Variants in NIPAL3 observed in about 807,000 individuals in gnomAD.
NIPAL3 encodes NIPA-like protein 3.
NIPAL3 carries 41 observed loss-of-function variants against 47.2 expected under a neutral mutation model. That is an observed-to-expected ratio of 0.87 (90% CI 0.68 to 1.13). The LOEUF (loss-of-function observed/expected upper bound fraction) is 1.13. NIPAL3 is among the 50% of genes most tolerant of loss of function. The pLI is 0.00. For synonymous variants in NIPAL3, 194 were observed against 209.6 expected, an observed-to-expected ratio of 0.93 and a Z score of 0.64; for missense variants, 449 against 530.1, an observed-to-expected ratio of 0.85 and a Z score of 1.50.
At chr1:24,450,008 G>C (rs1645861930) in intron 6 of NIPAL3, among the ~76,000 whole-genome samples, 1 of 152,102 alleles carries the variant, frequency 6.6e-6, no homozygotes, top group Admixed American at 6.5e-5. Flanking sequence ...TATAACTCCA[G>C]GCTGGAGACT....
In NIPAL3 at chr1:24,440,154, T is replaced by G; in HGVS notation, c.94-18T>G. On this transcript the variant is annotated intron_variant, in intron 2 of 11. Coordinates refer to ENST00000374399, the MANE Select transcript of NIPAL3 (RefSeq NM_020448.5). ...CTTGTGCCCAAATCATGTCCACTCC[T>G]GTGAACTTTCCTTACAGGAAAACCT... 6.4e-7 allele frequency: 1 copy of G among 1,566,680 alleles called. No individual in the cohort carries two copies. Among genetic ancestry groups the G allele is most frequent in the Non-Finnish European group, 8.6e-7 (1 of 1,156,784 alleles).
At chr1:24,426,689 TC>T (rs1464958204) in intron 2 of NIPAL3, among the ~76,000 whole-genome samples, 10 of 152,122 alleles carry the variant, frequency 6.6e-5, no homozygotes, top group Admixed American at 1.3e-4. Flanking sequence ...TTTGGCCAAG[TC>T]TTGGGCTTTC....
chr1:24,415,836 G>T lies in NIPAL3; in HGVS notation c.-326G>T. On this transcript the variant is annotated 5_prime_UTR_variant, in exon 1 of 12. Coordinates refer to ENST00000374399, the MANE Select transcript of NIPAL3 (RefSeq NM_020448.5). ...AGGGATGAAGGAGGCTGTGCCTCCG[G>T]GTTGCACGAAGAGTCCGAGTCATTT... 1.0e-6 allele frequency: 1 copy of T among 985,490 alleles called. No individual in the cohort carries two copies. 61.0% of individuals were successfully genotyped at this position (985,490 alleles called of 1,614,324 possible). A position where few individuals can be genotyped will look rare whatever the true frequency, so the allele number is the denominator to read the frequency against.
intron 2 of NIPAL3, among the ~76,000 whole-genome samples, chr1:24,435,614 A>G (rs1645065477): frequency 1.3e-5 from 2 of 152,228 alleles, no homozygotes; most frequent in South Asian, 2.1e-4. Flanking sequence ...CCATGATGCT[A>G]TTGTCACAAA....
intron 6 of NIPAL3, among the ~76,000 whole-genome samples, chr1:24,450,724 G>A (rs1645896894): frequency 6.6e-6 from 1 of 152,144 alleles, no homozygotes. Context: ...TTGAAGGCCG[G>A]GCCCACCTGG....
At chr1:24,422,069 T>C (rs112089460) in intron 2 of NIPAL3, 4 of 152,350 alleles carry the variant, frequency 2.6e-5, no homozygotes, top group Non-Finnish European at 5.9e-5. Context: ...GGAATATGTA[T>C]GGAAATTATG....
intron 2 of NIPAL3, chr1:24,422,050 C>A (rs529498128): frequency 6.6e-6 from 1 of 152,156 alleles, no homozygotes; most frequent in East Asian, 1.9e-4. Context: ...TCCTTCTGAC[C>A]AGCCAGATGG....
At chr1:24,453,911 T>C in intron 7 of NIPAL3, 2 of 415,934 alleles carry the variant, frequency 4.8e-6, no homozygotes, top group Non-Finnish European at 9.3e-6. Context: ...GGATTCATTC[T>C]GATTCAAAGG....
rs966229771 is a variant in NIPAL3, at chr1:24,416,324, G to A, written c.-258+420G>A. The A allele has an allele frequency of 7.1e-6, 7 of 985,318 alleles. No homozygotes were observed. The African/African-American group carries it at 8.7e-5, about 12-fold the overall frequency. 61.0% of individuals were successfully genotyped at this position (985,318 alleles called of 1,614,324 possible). ...TGTAAGTTTCCAGCTCAGTGGGACGGGACGGAAGAATGTAACCTTCTCGTG... is the reference window on the plus strand; with the variant it reads ...TGTAAGTTTCCAGCTCAGTGGGACGAGACGGAAGAATGTAACCTTCTCGTG... On this transcript the variant is annotated intron_variant, in intron 1 of 11. Transcript: ENST00000374399. This position sits in a 1 kb window ranked among gnomAD's most constrained non-coding sequence, Gnocchi z 4.8.
At chr1:24,428,363 C>T (rs1468173233) in intron 2 of NIPAL3, among the ~76,000 whole-genome samples, 1 of 151,274 alleles carries the variant, frequency 6.6e-6, no homozygotes, top group East Asian at 2.0e-4. Flanking sequence ...AATTTTCTTC[C>T]ACTTTTTTTT....
chr1:24,436,149 G>A (rs66487768), intron 2 of NIPAL3, among the ~76,000 whole-genome samples: 16,726 of 151,996 alleles, frequency 0.11, 954 homozygotes, highest in African/African-American at 0.13. Flanking sequence ...ATAAACTTAG[G>A]GGGCAGCGGG....
intron 2 of NIPAL3, among the ~76,000 whole-genome samples, chr1:24,423,101 G>A (rs1449557611): frequency 3.3e-5 from 5 of 152,208 alleles, no homozygotes; most frequent in Non-Finnish European, 5.9e-5. Context: ...GCACAGTCTT[G>A]ACTTCAGAGG....
chr1:24,418,762 CA>C (rs879797290), intron 1 of NIPAL3, among the ~76,000 whole-genome samples: 1 of 152,172 alleles, frequency 6.6e-6, no homozygotes, highest in Non-Finnish European at 1.5e-5. Flanking sequence ...CCTGGTCACA[CA>C]GGTTTTCCAC....
At chr1:24,447,689 C>T (rs1173180593) in intron 5 of NIPAL3, among the ~76,000 whole-genome samples, 2 of 152,212 alleles carry the variant, frequency 1.3e-5, no homozygotes, top group Non-Finnish European at 2.9e-5. Context: ...TCTAAGACCA[C>T]TATAGAAGTT....
At chr1:24,418,477 G>A (rs1644162864) in intron 1 of NIPAL3, among the ~76,000 whole-genome samples, 1 of 152,010 alleles carries the variant, frequency 6.6e-6, no homozygotes, top group South Asian at 2.1e-4. Context: ...AAAAAAATTA[G>A]CCAGGCCTTG....
intron 11 of NIPAL3, chr1:24,466,212 A>C: frequency 2.2e-6 from 2 of 913,230 alleles, no homozygotes; most frequent in African/African-American, 1.7e-5. Context: ...AAACAATTTC[A>C]CAGAACATCA....
Position 24,464,136 on chromosome 1 carries a change from C to T in NIPAL3, c.1021+16C>T, listed in dbSNP as rs747390993. The T allele has an allele frequency of 8.1e-6, 13 of 1,601,564 alleles. No homozygotes were observed. Among genetic ancestry groups the T allele is most frequent in the East Asian group, 6.7e-5 (3 of 44,734 alleles). ...GCCATGCCAGGTAAGGTTAAAGCCC[C>T]GTGGGTCTAGCTGAACATCCATATA... On this transcript the variant is annotated intron_variant, in intron 11 of 11. Coordinates refer to ENST00000374399, the MANE Select transcript of NIPAL3 (RefSeq NM_020448.5).
At chr1:24,427,872 T>C (rs1644667366) in intron 2 of NIPAL3, among the ~76,000 whole-genome samples, 1 of 152,116 alleles carries the variant, frequency 6.6e-6, no homozygotes, top group South Asian at 2.1e-4. Context: ...CTTTTCTTGC[T>C]CTCCTTTCTC....
At chr1:24,433,695 G>A (rs1229517821) in intron 2 of NIPAL3, among the ~76,000 whole-genome samples, 1 of 152,164 alleles carries the variant, frequency 6.6e-6, no homozygotes, top group African/African-American at 2.4e-5. Context: ...GAGACATGGA[G>A]GCTCCAGTTA....
Sources: gnomAD v4.1 joint callset for allele counts (sites outside exome capture counted in the v4.1 genomes callset) on GRCh38, gnomAD v4.1.1 for gene constraint, Gnocchi (gnomAD v3.1) non-coding constraint, MANE v1.5 for transcripts, NCBI Gene and HGNC (gene_info 2026-07-23, HGNC 2026-07-21) for gene names.